MERTK: variants seen among roughly 807,000 people sequenced by gnomAD.
The protein encoded by MERTK is tyrosine-protein kinase Mer.
MERTK carries 69 observed loss-of-function variants against 99.3 expected under a neutral mutation model. The observed-to-expected ratio is 0.70, with a 90% CI of 0.57 to 0.85. The LOEUF is 0.85. Ranked by LOEUF, MERTK falls within the 40% of genes least tolerant of loss-of-function variation. The pLI is 0.00. For synonymous variants in MERTK, 426 were observed against 467.6 expected (o/e 0.91, Z 1.15); for missense variants, 1,125 against 1,249.4 (o/e 0.90, Z 1.50).
chr2:111,966,448 A>G (rs936382395), intron 5 of MERTK, among the ~76,000 whole-genome samples: 3 of 152,224 alleles, frequency 2.0e-5, no homozygotes, highest in Non-Finnish European at 4.4e-5. Context: ...ACAATTTCCA[A>G]AAGACATGTT....
chr2:111,923,911 C>G (rs764030169), intron 1 of MERTK, among the ~76,000 whole-genome samples: 1 of 152,168 alleles, frequency 6.6e-6, no homozygotes, highest in Non-Finnish European at 1.5e-5. Context: ...TGCCCAAACC[C>G]TTGGGTCCAA....
chr2:112,006,322 T>C (rs1408288863), intron 13 of MERTK, among the ~76,000 whole-genome samples: 1 of 152,164 alleles, frequency 6.6e-6, no homozygotes, highest in African/African-American at 2.4e-5. Flanking sequence ...CAGTTATTCC[T>C]GTATTTCATC....
chr2:111,924,634 C>T (rs893710311), intron 1 of MERTK, among the ~76,000 whole-genome samples: 1 of 152,172 alleles, frequency 6.6e-6, no homozygotes, highest in East Asian at 1.9e-4. Flanking sequence ...CCTTGCTCTC[C>T]CTTGCTCAGA....
At chr2:112,002,703 G>A (rs1270932038) in intron 11 of MERTK, among the ~76,000 whole-genome samples, 1 of 152,202 alleles carries the variant, frequency 6.6e-6, no homozygotes, top group Admixed American at 6.5e-5. Flanking sequence ...GCCGGCTATG[G>A]TGGTTCACAC....
chr2:112,001,532 G>T (rs992694136), intron 11 of MERTK, among the ~76,000 whole-genome samples: 2 of 152,162 alleles, frequency 1.3e-5, no homozygotes, highest in African/African-American at 4.8e-5. Context: ...ATGAAATGTG[G>T]CAGAAAAGAG....
intron 7 of MERTK, among the ~76,000 whole-genome samples, chr2:111,978,120 T>G (rs868391328): frequency 0.012 from 286 of 24,734 alleles, 2 homozygotes; most frequent in African/African-American, 0.034. Context: ...AATTTTTGGT[T>G]TTTTTTTTTA....
At position 111,947,527 on chromosome 2, in the gene MERTK, C is replaced by T. The variant is rs769870510; in HGVS notation, c.717C>T (p.Asn239=). Residue 239 remains asparagine (N), a synonymous_variant, in exon 4 of 19, where the codon AAC becomes AAT. Coordinates refer to ENST00000295408, the MANE Select transcript of MERTK (RefSeq NM_006343.3). ...GGGTTCAAAACAGTAGCCGTGTTAA[C>T]GAACAGCCTGAAAAATCCCCCTCCG... ...IFWVQNSSRV[N]EQPEKSPSVL... 5.0e-5 allele frequency: 80 copies of T among 1,614,038 alleles called. No individual in the cohort carries two copies. The highest frequency in any genetic ancestry group is 6.4e-5 in the Non-Finnish European group (76 of 1,180,042).
chr2:111,998,907 T>C (rs935504531), intron 10 of MERTK, among the ~76,000 whole-genome samples: 6 of 152,244 alleles, frequency 3.9e-5, no homozygotes, highest in African/African-American at 1.4e-4. Flanking sequence ...CCATGGATCC[T>C]TACTACAAGA....
At chr2:111,922,748 G>T (rs1684488283) in intron 1 of MERTK, among the ~76,000 whole-genome samples, 1 of 152,242 alleles carries the variant, frequency 6.6e-6, no homozygotes, top group South Asian at 2.1e-4. Context: ...TTGAGGTGGT[G>T]AGGGACTGGG....
At chr2:111,975,264 GT>G in intron 6 of MERTK, 24 bp from the exon 7 acceptor site, 1 of 1,613,544 alleles carries the variant, frequency 6.2e-7, no homozygotes, top group Non-Finnish European at 8.5e-7. Context: ...CTAATGCCCG[GT>G]CCTCATGTTT....
At chr2:112,020,826 C>G (rs371118196) in intron 16 of MERTK, among the ~76,000 whole-genome samples, 2 of 152,076 alleles carry the variant, frequency 1.3e-5, no homozygotes, top group Non-Finnish European at 2.9e-5. Context: ...TCCATGTTCT[C>G]CAGCTGTTTC....
At chr2:111,956,313 G>T (rs1007921130) in intron 4 of MERTK, among the ~76,000 whole-genome samples, 3 of 151,994 alleles carry the variant, frequency 2.0e-5, no homozygotes, top group Non-Finnish European at 4.4e-5. Context: ...TTGCCTATAG[G>T]AATGATTGAA....
intron 1 of MERTK, among the ~76,000 whole-genome samples, chr2:111,919,132 G>T (rs1192746529): frequency 6.6e-6 from 1 of 152,140 alleles, no homozygotes; most frequent in Non-Finnish European, 1.5e-5. Flanking sequence ...TAGGGTTCTT[G>T]TTCTCACCCC....
intron 18 of MERTK, among the ~76,000 whole-genome samples, chr2:112,024,076 G>C (rs1677415358): frequency 6.6e-6 from 1 of 152,162 alleles, no homozygotes; most frequent in Non-Finnish European, 1.5e-5. Flanking sequence ...ATTAAGAAGA[G>C]AAACAAGCAC....
chr2:112,000,482 G>A (rs535663480), intron 10 of MERTK, among the ~76,000 whole-genome samples: 1 of 152,140 alleles, frequency 6.6e-6, no homozygotes, highest in South Asian at 2.1e-4. Flanking sequence ...GTTTTCAGAA[G>A]TGTTAGTCGG....
At chr2:111,906,300 C>T (rs1684135726) in intron 1 of MERTK, among the ~76,000 whole-genome samples, 1 of 152,176 alleles carries the variant, frequency 6.6e-6, no homozygotes, top group Admixed American at 6.5e-5. Context: ...TTAGAACTTG[C>T]CTTAGCTGTG....
At chr2:112,017,434 G>A (rs1333070990) in intron 15 of MERTK, among the ~76,000 whole-genome samples, 1 of 152,032 alleles carries the variant, frequency 6.6e-6, no homozygotes, top group African/African-American at 2.4e-5. Context: ...GTTTGAGACT[G>A]GCCTGGCCAA....
chr2:111,914,985 T>G (rs765885422), intron 1 of MERTK, among the ~76,000 whole-genome samples: 6 of 152,242 alleles, frequency 3.9e-5, no homozygotes, highest in Non-Finnish European at 5.9e-5. Flanking sequence ...CTTTAAGCAT[T>G]TGGCATAATT....
intron 8 of MERTK, among the ~76,000 whole-genome samples, chr2:111,990,590 A>G (rs2104395362): frequency 6.6e-6 from 1 of 152,368 alleles, no homozygotes; most frequent in African/African-American, 2.4e-5. Context: ...CTACTGAGTC[A>G]TAGGCCCTAA....
Sources: allele counts gnomAD v4.1 joint callset (sites outside exome capture counted in the v4.1 genomes callset), GRCh38; gene constraint gnomAD v4.1.1; transcripts MANE v1.5; gene names NCBI Gene and HGNC (gene_info 2026-07-23, HGNC 2026-07-21).